Variants in FRMD6 observed in about 807,000 individuals in gnomAD.
FRMD6 encodes FERM domain containing 6.
A neutral mutation model predicts 73.2 loss-of-function variants in FRMD6; 37 were observed. The observed-to-expected ratio is 0.51, with a 90% CI of 0.39 to 0.66. The LOEUF is 0.66. Among genes scored for constraint, FRMD6 ranks in the 30% least tolerant of loss-of-function variants. The pLI, the probability that FRMD6 is intolerant of heterozygous loss-of-function variation, is 0.00. For missense variants in FRMD6, 714 were observed against 780.5 expected (o/e 0.91, Z 1.02); for synonymous variants, 273 against 282.2 (o/e 0.97, Z 0.33).
intron 2 of FRMD6, among the ~76,000 whole-genome samples, chr14:51,601,732 G>C (rs200708086): frequency 1.3e-5 from 2 of 150,566 alleles, no homozygotes; most frequent in Middle Eastern, 3.4e-3. Flanking sequence ...ATCCATGAGA[G>C]GAAGAAGGCA....
At chr14:51,569,425 A>C (rs952033313) in intron 1 of FRMD6, among the ~76,000 whole-genome samples, 1 of 151,604 alleles carries the variant, frequency 6.6e-6, no homozygotes, top group African/African-American at 2.4e-5. Flanking sequence ...ACTAATTAAC[A>C]TTGTTTAGAA....
chr14:51,691,450 T>G (rs1365307810), intron 2 of FRMD6, among the ~76,000 whole-genome samples: 2 of 152,142 alleles, frequency 1.3e-5, no homozygotes, highest in African/African-American at 4.8e-5. Context: ...TTTCAACCCC[T>G]CTCTGTGTTA....
At chr14:51,585,330 G>A (rs771473084) in intron 2 of FRMD6, among the ~76,000 whole-genome samples, 10 of 152,130 alleles carry the variant, frequency 6.6e-5, no homozygotes, top group East Asian at 1.9e-4. Context: ...TTGTCCCAGC[G>A]GAGGGAGGGA....
chr14:51,536,076 TTTTATATA>T (rs1287174489), intron 1 of FRMD6, among the ~76,000 whole-genome samples: 9 of 140,834 alleles, frequency 6.4e-5, no homozygotes, highest in Admixed American at 1.4e-4. Flanking sequence ...TATATATATA[TTTTATATA>T]TATATATATA....
At chr14:51,516,697 T>C (rs1338058970) in intron 1 of FRMD6, among the ~76,000 whole-genome samples, 1 of 152,228 alleles carries the variant, frequency 6.6e-6, no homozygotes. Context: ...CGTAAAAAGC[T>C]GTGGGCTTAA....
chr14:51,700,229 C>T (rs926937542), intron 3 of FRMD6, among the ~76,000 whole-genome samples: 3 of 151,974 alleles, frequency 2.0e-5, no homozygotes, highest in Non-Finnish European at 4.4e-5. Context: ...AAACTTTGTA[C>T]AGTATAGGAA....
chr14:51,602,250 G>T (rs1344439624), intron 2 of FRMD6, among the ~76,000 whole-genome samples: 1 of 152,094 alleles, frequency 6.6e-6, no homozygotes, highest in Non-Finnish European at 1.5e-5. Flanking sequence ...AGGACTTTGG[G>T]GTAATCAGGA....
At chr14:51,621,654 C>T (rs1013743462) in intron 2 of FRMD6, among the ~76,000 whole-genome samples, 12 of 152,148 alleles carry the variant, frequency 7.9e-5, no homozygotes, top group East Asian at 3.8e-4. Flanking sequence ...TACACACCAA[C>T]GACTAATTTT....
At chr14:51,665,662 C>T (rs774377468) in intron 1 of FRMD6, among the ~76,000 whole-genome samples, 4 of 152,186 alleles carry the variant, frequency 2.6e-5, no homozygotes, top group Non-Finnish European at 4.4e-5. Context: ...TCTGGGTTAA[C>T]TATTTGCTAA....
At chr14:51,507,602 G>C (rs1047636821) in intron 1 of FRMD6, among the ~76,000 whole-genome samples, 6 of 152,086 alleles carry the variant, frequency 3.9e-5, no homozygotes, top group African/African-American at 1.4e-4. Flanking sequence ...AAACCTAGTG[G>C]GGAAGCTGGC....
At chr14:51,503,053 T>C (rs1883711029) in intron 1 of FRMD6, among the ~76,000 whole-genome samples, 1 of 152,234 alleles carries the variant, frequency 6.6e-6, no homozygotes, top group Non-Finnish European at 1.5e-5. Context: ...TTTTGTATAC[T>C]GATAGTTTGC....
At chr14:51,448,844 G>A in the FRMD6 span, among the ~76,000 whole-genome samples, 15 of 152,168 alleles carry the variant, frequency 9.9e-5, no homozygotes, top group African/African-American at 1.9e-4. Context: ...CCAGCTCGTC[G>A]TGGGTATAAT....
chr14:51,591,992 C>T (rs1889427841), intron 2 of FRMD6, among the ~76,000 whole-genome samples: 1 of 152,194 alleles, frequency 6.6e-6, no homozygotes, highest in Non-Finnish European at 1.5e-5. Context: ...TTTGCAGTCT[C>T]ACACTATCAT....
At chr14:51,456,309 G>T in the FRMD6 span, among the ~76,000 whole-genome samples, 1 of 150,896 alleles carries the variant, frequency 6.6e-6, no homozygotes, top group Admixed American at 6.6e-5. Flanking sequence ...CTAGCCCCTC[G>T]CCCCCTGACA....
At chr14:51,606,858 G>A (rs1458568256) in intron 2 of FRMD6, among the ~76,000 whole-genome samples, 1 of 152,142 alleles carries the variant, frequency 6.6e-6, no homozygotes, top group African/African-American at 2.4e-5. Context: ...GTAATGCTCA[G>A]TCTGAGGCCA....
chr14:51,563,574 G>A (rs941563281), intron 1 of FRMD6, among the ~76,000 whole-genome samples: 2 of 152,150 alleles, frequency 1.3e-5, no homozygotes, highest in Non-Finnish European at 2.9e-5. Flanking sequence ...GGAGGCTGAG[G>A]CATGAGAATC....
At chr14:51,624,467 T>G (rs528641992) in intron 2 of FRMD6, among the ~76,000 whole-genome samples, 64 of 152,296 alleles carry the variant, frequency 4.2e-4, no homozygotes, top group African/African-American at 1.5e-3. Context: ...GAGTGAAATA[T>G]TAAAAGGATA....
chr14:51,539,332 C>T (rs901082096), intron 1 of FRMD6, among the ~76,000 whole-genome samples: 2 of 152,104 alleles, frequency 1.3e-5, no homozygotes, highest in Admixed American at 1.3e-4. Context: ...TGTTTCTTCT[C>T]AACATTTACC....
In FRMD6 at chr14:51,602,443, A is replaced by G. The variant is rs932585342; in HGVS notation, c.-147+32033A>G. 2.6e-5 allele frequency among the ~76,000 whole-genome samples: 4 copies of G among 152,356 alleles called. No homozygotes were observed. The East Asian group carries it at 7.7e-4, about 29-fold the overall frequency. On this transcript the variant is annotated intron_variant, in intron 2 of 14. Transcript: ENST00000356218. ...TTTGTATGACACACAGACTAAAGGT[A>G]GTTTTCACATTTCTAAATGATTAGA...
Sources: gnomAD v4.1 joint callset for allele counts (sites outside exome capture counted in the v4.1 genomes callset) on GRCh38, gnomAD v4.1.1 for gene constraint, MANE v1.5 for transcripts, NCBI Gene and HGNC (gene_info 2026-07-23, HGNC 2026-07-21) for gene names.